Variants in ZDHHC17 observed in about 807,000 individuals in gnomAD.
ZDHHC17 encodes palmitoyltransferase ZDHHC17.
ZDHHC17 carries 40 observed loss-of-function variants against 90.3 expected under a neutral mutation model. That is an observed-to-expected ratio of 0.44 (90% confidence interval 0.34 to 0.58). The LOEUF is 0.58. Among genes scored for constraint, ZDHHC17 ranks in the 20% least tolerant of loss-of-function variants. The probability of loss-of-function intolerance (pLI) is 0.01; values close to 1 mark genes in which losing one functional copy is unlikely to be tolerated. For missense variants in ZDHHC17, 614 were observed against 780.8 expected, an observed-to-expected ratio of 0.79 and a Z score of 2.55; for synonymous variants, 235 against 252.4, an observed-to-expected ratio of 0.93 and a Z score of 0.65.
rs1399287099 is a variant in ZDHHC17, at chr12:76,766,785, C to T, written c.93+2456C>T. ...CTGTAGTCCCAGCACTTTGGGAAGC[C>T]GAGGTGAGAGAATCACTTGAGCCCA... is the stretch of plus-strand genomic sequence containing the variant. On this transcript the variant is annotated intron_variant, in intron 1 of 16. Coordinates refer to ENST00000426126, the MANE Select transcript of ZDHHC17 (RefSeq NM_015336.4). 3.4e-5 allele frequency among the ~76,000 whole-genome samples: 5 copies of T among 148,202 alleles called. No homozygotes were observed. The East Asian group carries it at 9.7e-4, about 29-fold the overall frequency.
At chr12:76,846,871 G>A (rs1279410937) in intron 14 of ZDHHC17, among the ~76,000 whole-genome samples, 192 bp downstream of exon 14, 1 of 152,178 alleles carries the variant, frequency 6.6e-6, no homozygotes, top group African/African-American at 2.4e-5. Context: ...TAAGCAAACA[G>A]TTAGCAGTTA....
chr12:76,771,723 C>T (rs1359056447), intron 1 of ZDHHC17, among the ~76,000 whole-genome samples: 2 of 151,762 alleles, frequency 1.3e-5, no homozygotes, highest in African/African-American at 2.4e-5. Flanking sequence ...CTGGTGGTTA[C>T]CAAAACTATC....
At chr12:76,770,058 C>T (rs186720047) in intron 1 of ZDHHC17, among the ~76,000 whole-genome samples, 2 of 152,228 alleles carry the variant, frequency 1.3e-5, no homozygotes, top group East Asian at 3.9e-4. Context: ...CAATCCTGGG[C>T]ACGTTATTGA....
At chr12:76,846,939 AG>A (rs1274525802) in intron 14 of ZDHHC17, among the ~76,000 whole-genome samples, 3 of 152,220 alleles carry the variant, frequency 2.0e-5, no homozygotes, top group Non-Finnish European at 1.5e-5. Flanking sequence ...GGCTTTGAGA[AG>A]CTTCTGGGTG....
chr12:76,764,446 A>T (rs1952405352), intron 1 of ZDHHC17, 117 bp downstream of exon 1: 25 of 898,200 alleles, frequency 2.8e-5, no homozygotes, highest in East Asian at 9.2e-5. Flanking sequence ...GAAGTTGGGG[A>T]GGGTGGGGAG....
intron 8 of ZDHHC17, among the ~76,000 whole-genome samples, chr12:76,824,469 C>T (rs1166131181): frequency 6.6e-6 from 1 of 151,914 alleles, no homozygotes; most frequent in Non-Finnish European, 1.5e-5. Context: ...GTAGACTGTT[C>T]TTTCTTTTTC....
At chr12:76,845,618 T>G (rs926413834) in intron 12 of ZDHHC17, 91 bp from the exon 13 acceptor site, 2 of 498,846 alleles carry the variant, frequency 4.0e-6, no homozygotes, top group Admixed American at 8.2e-5. Flanking sequence ...ATAGTTTTAT[T>G]TTTTTATAAT....
At chr12:76,785,683 A>C (rs910458930) in intron 1 of ZDHHC17, among the ~76,000 whole-genome samples, 3 of 152,202 alleles carry the variant, frequency 2.0e-5, no homozygotes, top group Non-Finnish European at 2.9e-5. Flanking sequence ...TTGTGAATTG[A>C]ATTGTGATTT....
chr12:76,813,831 T>C (rs187354741), intron 5 of ZDHHC17, among the ~76,000 whole-genome samples: 138 of 152,186 alleles, frequency 9.1e-4, no homozygotes, highest in Middle Eastern at 3.4e-3. Context: ...ATGAAGTTAT[T>C]TGTATTTCAC....
intron 1 of ZDHHC17, among the ~76,000 whole-genome samples, chr12:76,784,787 C>T (rs911345017): frequency 6.6e-6 from 1 of 152,206 alleles, no homozygotes; most frequent in African/African-American, 2.4e-5. Context: ...ATGAACATGT[C>T]TTTACTAGTA....
chr12:76,772,709 A>T (rs867669591), intron 1 of ZDHHC17, among the ~76,000 whole-genome samples: 266 of 105,380 alleles, frequency 2.5e-3, no homozygotes, highest in Middle Eastern at 0.021. Context: ...TAACTTTTGT[A>T]TTTTTTTTTT....
At chr12:76,765,028 C>T (rs917266787) in intron 1 of ZDHHC17, among the ~76,000 whole-genome samples, 4 of 152,272 alleles carry the variant, frequency 2.6e-5, no homozygotes, top group African/African-American at 9.6e-5. Context: ...AAACAGTGCC[C>T]CGCTCCACAG....
At chr12:76,797,119 C>T (rs558859864) in intron 1 of ZDHHC17, among the ~76,000 whole-genome samples, 16 of 152,046 alleles carry the variant, frequency 1.1e-4, no homozygotes, top group African/African-American at 3.9e-4. Flanking sequence ...AAAAAATTAG[C>T]TGGGCATGGT....
At chr12:76,829,677 C>T (rs1172351212) in intron 10 of ZDHHC17, among the ~76,000 whole-genome samples, 3 of 151,980 alleles carry the variant, frequency 2.0e-5, no homozygotes, top group African/African-American at 7.3e-5. Context: ...TTTAATACCA[C>T]TACTTATTTT....
Position 76,767,988 on chromosome 12 carries a change from A to G in ZDHHC17, c.93+3659A>G, listed in dbSNP as rs1008046214. The stretch of plus-strand genomic sequence containing the variant: ...AGCTTACTGTTATCATGGTCAAAGT[A>G]CATTTTTCTCATTTGTAAAGTTGGG... On this transcript the variant is annotated intron_variant, in intron 1 of 16. Transcript: ENST00000426126. Among the ~76,000 whole-genome samples the G allele has an allele frequency of 1.1e-3, 174 of 152,166 alleles. 5 individuals carry two copies. Among genetic ancestry groups the G allele is most frequent in the Admixed American group, 0.011 (174 of 15,278 alleles).
chr12:76,783,595 G>T (rs57176999), intron 1 of ZDHHC17, among the ~76,000 whole-genome samples: 5 of 152,304 alleles, frequency 3.3e-5, no homozygotes, highest in Admixed American at 3.3e-4. Flanking sequence ...GAGCCAAACC[G>T]TATCACCATG....
chr12:76,842,534 A>G (rs892699389), intron 11 of ZDHHC17, among the ~76,000 whole-genome samples: 4 of 152,322 alleles, frequency 2.6e-5, no homozygotes, highest in African/African-American at 9.6e-5. Flanking sequence ...CTTATAATGC[A>G]GGTAATTAGG....
intron 14 of ZDHHC17, 37 bp from the exon 15 acceptor site, chr12:76,848,196 T>G: frequency 1.2e-6 from 2 of 1,609,408 alleles, no homozygotes; most frequent in Non-Finnish European, 1.7e-6. Flanking sequence ...CTTGGATGAT[T>G]ATTGAGTAAA....
chr12:76,808,971 A>T, intron 3 of ZDHHC17, 72 bp from the exon 4 acceptor site: 2 of 952,924 alleles, frequency 2.1e-6, no homozygotes, highest in Non-Finnish European at 3.0e-6. Flanking sequence ...ACATGTATTT[A>T]CATATTTTTC....
Sources: allele counts gnomAD v4.1 joint callset (sites outside exome capture counted in the v4.1 genomes callset), GRCh38; gene constraint gnomAD v4.1.1; transcripts MANE v1.5; gene names NCBI Gene and HGNC (gene_info 2026-07-23, HGNC 2026-07-21).